Variants in GNAI3 observed in about 807,000 individuals in gnomAD.
GNAI3 encodes guanine nucleotide-binding protein G(i) subunit alpha-3.
A neutral mutation model predicts 41.8 loss-of-function variants in GNAI3; 12 were observed. The ratio of observed to expected loss-of-function variants is 0.29; its 90% CI spans 0.18 to 0.47. GNAI3 has a LOEUF of 0.47. Ranked by LOEUF, GNAI3 falls within the 20% of genes least tolerant of loss-of-function variation. The probability of loss-of-function intolerance (pLI) is 1.00; values close to 1 mark genes in which losing one functional copy is unlikely to be tolerated. For synonymous variants in GNAI3, 132 were observed against 146.5 expected (o/e 0.90, Z 0.71); for missense variants, 360 against 429.6 (o/e 0.84, Z 1.43).
intron 4 of GNAI3, among the ~76,000 whole-genome samples, chr1:109,581,517 C>A (rs1357594323): frequency 2.0e-5 from 3 of 152,044 alleles, no homozygotes; most frequent in Non-Finnish European, 4.4e-5. Context: ...AGGAATTTTT[C>A]TTTAATAAGA....
At position 109,598,171 on chromosome 1, in the gene GNAI3, C is replaced by T. The variant is rs571597823; in HGVS notation, c.*5849C>T. On this transcript the variant is annotated 3_prime_UTR_variant, in exon 9 of 9. Coordinates refer to ENST00000369851, the MANE Select transcript of GNAI3 (RefSeq NM_006496.4). ...CAAAATTCTCCTTAGGTTATCCAGA[C>T]ATTTTTACTAAGATGCTTATTTATA... The T allele has an allele frequency of 1.3e-5, 2 of 152,316 alleles. No individual in the cohort carries two copies. The highest frequency in any genetic ancestry group is 4.1e-4 in the South Asian group (2 of 4,828). The allele number at this position is 152,316 out of a possible 1,614,324, so 9.4% of individuals were successfully genotyped here.
intron 1 of GNAI3, among the ~76,000 whole-genome samples, chr1:109,568,997 G>T (rs1648526190): frequency 6.6e-6 from 1 of 152,094 alleles, no homozygotes; most frequent in Non-Finnish European, 1.5e-5. Context: ...CCTGTCCCCA[G>T]ATAGTTTTCT....
intron 1 of GNAI3, among the ~76,000 whole-genome samples, chr1:109,571,056 A>T (rs1309814955): frequency 6.6e-6 from 1 of 152,208 alleles, no homozygotes; most frequent in Non-Finnish European, 1.5e-5. Context: ...AATATTTAAT[A>T]TACAGATTGG....
chr1:109,598,850 C>T lies in GNAI3; in HGVS notation c.*6528C>T, dbSNP rs749106940. The T allele has an allele frequency of 4.7e-5, 25 of 532,876 alleles. No homozygotes were observed. Among genetic ancestry groups the T allele is most frequent in the Admixed American group, 4.5e-4 (23 of 51,546 alleles). The allele number at this position is 532,876 out of a possible 1,614,324, so 33.0% of individuals were successfully genotyped here. A position where few individuals can be genotyped will look rare whatever the true frequency, so the allele number is the denominator to read the frequency against. ...CCAGAGGCTCTGTCACACTTGCAGTCCCTGGCCCAACACCGAAATCCTTCT... is the reference window on the plus strand; with the variant it reads ...CCAGAGGCTCTGTCACACTTGCAGTTCCTGGCCCAACACCGAAATCCTTCT... On this transcript the variant is annotated 3_prime_UTR_variant, in exon 9 of 9. Transcript: ENST00000369851.
intron 1 of GNAI3, among the ~76,000 whole-genome samples, chr1:109,557,313 C>A (rs576324779): frequency 6.6e-6 from 1 of 152,120 alleles, no homozygotes; most frequent in South Asian, 2.1e-4. Flanking sequence ...ACTTTTTATG[C>A]CACTTATAGT....
rs1293155328 is a variant in GNAI3, at chr1:109,599,371, C to T, written c.*7049C>T. On this transcript the variant is annotated 3_prime_UTR_variant, in exon 9 of 9. Transcript: ENST00000369851. ...GTTTTCATCTTCCTGAACTGAAACT[C>T]TGTACCTGTTAAACAGTAACTCCCC... 3 of 153,874 alleles carry T rather than the reference C, an allele frequency of 1.9e-5. No individual in the cohort carries two copies. Among genetic ancestry groups the T allele is most frequent in the Admixed American group, 1.9e-4 (3 of 15,478 alleles). The allele number at this position is 153,874 out of a possible 1,614,324, so 9.5% of individuals were successfully genotyped here.
At position 109,571,032 on chromosome 1, in the gene GNAI3, A is replaced by T. The variant is rs117447803; in HGVS notation, c.119-2705A>T. 2.5e-4 allele frequency among the ~76,000 whole-genome samples: 38 copies of T among 152,338 alleles called. No homozygotes were observed. The East Asian group carries it at 7.3e-3, about 29-fold the overall frequency. ...CTATTTATATTGCTTTATTTAAAAA[A>T]ATTAAGCTTTACTAATATTTAATAT... On this transcript the variant is annotated intron_variant, in intron 1 of 8. Coordinates refer to ENST00000369851, the MANE Select transcript of GNAI3 (RefSeq NM_006496.4).
intron 1 of GNAI3, among the ~76,000 whole-genome samples, chr1:109,569,210 C>G (rs917363046): frequency 1.3e-5 from 2 of 152,146 alleles, no homozygotes; most frequent in Non-Finnish European, 2.9e-5. Context: ...TTTCTGGGAC[C>G]TTTCCAACTT....
At chr1:109,591,633 G>T in intron 7 of GNAI3, 1 of 440,968 alleles carries the variant, frequency 2.3e-6, no homozygotes, top group South Asian at 3.1e-5. Context: ...TGCTACCAAA[G>T]CAAGCACTAC....
At chr1:109,571,034 T>C (rs558690187) in intron 1 of GNAI3, among the ~76,000 whole-genome samples, 1 of 152,298 alleles carries the variant, frequency 6.6e-6, no homozygotes, top group African/African-American at 2.4e-5. Flanking sequence ...TTTAAAAAAA[T>C]TAAGCTTTAC....
chr1:109,589,906 T>C (rs1184087303), intron 7 of GNAI3, among the ~76,000 whole-genome samples: 2 of 152,234 alleles, frequency 1.3e-5, no homozygotes, highest in East Asian at 1.9e-4. Flanking sequence ...TTGCATAACA[T>C]TGTGAATACA....
intron 1 of GNAI3, among the ~76,000 whole-genome samples, chr1:109,554,658 T>C (rs993315653): frequency 6.6e-6 from 1 of 152,182 alleles, no homozygotes; most frequent in Admixed American, 6.5e-5. Context: ...CCACTCTGGG[T>C]TGTCTGTACT....
Position 109,548,627 on chromosome 1 carries a change from C to T in GNAI3, c.-94C>T, listed in dbSNP as rs866476639. On this transcript the variant is annotated 5_prime_UTR_variant, in exon 1 of 9. Coordinates refer to ENST00000369851, the MANE Select transcript of GNAI3 (RefSeq NM_006496.4). ...CGCTAAGGGAGCTGACGGAGAGGGC[C>T]ACCGCCCAGCAATAGACGGTGCCTC... 10 of 811,990 alleles carry T rather than the reference C, an allele frequency of 1.2e-5. No homozygotes were observed. The African/African-American group carries it at 1.7e-4, about 14-fold the overall frequency. 50.3% of individuals were successfully genotyped at this position (811,990 alleles called of 1,614,324 possible). A position where few individuals can be genotyped will look rare whatever the true frequency, so the allele number is the denominator to read the frequency against.
chr1:109,594,202 A>G lies in GNAI3; in HGVS notation c.*1880A>G, dbSNP rs1649239076. ...TTGGTAGTTGTTACTCATTTTGAAT[A>G]TACCTTTTCCTTATTGTATTCTGTA... On this transcript the variant is annotated 3_prime_UTR_variant, in exon 9 of 9. Transcript: ENST00000369851. 1 of 152,326 alleles carries G rather than the reference A, an allele frequency of 6.6e-6. No homozygotes were observed. Among genetic ancestry groups the G allele is most frequent in the Admixed American group, 6.5e-5 (1 of 15,284 alleles). 9.4% of individuals were successfully genotyped at this position (152,326 alleles called of 1,614,324 possible). A position where few individuals can be genotyped will look rare whatever the true frequency, so the allele number is the denominator to read the frequency against.
Position 109,586,720 on chromosome 1 carries a change from C to CT in GNAI3, c.721-4dup. ...GCTACTGACCTATCATCCTTTATTT[C>CT]TTTTTCAGAACCGAATGCATGAAAG... is the stretch of plus-strand genomic sequence containing the variant. On this transcript the variant is annotated splice_polypyrimidine_tract_variant and intron_variant, in intron 6 of 8. Transcript: ENST00000369851. 1 of 1,583,168 alleles carries CT rather than the reference C, an allele frequency of 6.3e-7. No individual in the cohort carries two copies.
chr1:109,569,269 A>C (rs1036136834), intron 1 of GNAI3, among the ~76,000 whole-genome samples: 1 of 152,176 alleles, frequency 6.6e-6, no homozygotes, highest in Non-Finnish European at 1.5e-5. Flanking sequence ...TCCCTTCTGC[A>C]TACAGAGTCC....
Position 109,548,649 on chromosome 1 carries a change from C to A in GNAI3, c.-72C>A. The A allele has an allele frequency of 1.9e-6, 2 of 1,041,892 alleles. No homozygotes were observed. The highest frequency in any genetic ancestry group is 3.0e-6 in the Non-Finnish European group (2 of 674,076). The allele number at this position is 1,041,892 out of a possible 1,614,324, so 64.5% of individuals were successfully genotyped here. A position where few individuals can be genotyped will look rare whatever the true frequency, so the allele number is the denominator to read the frequency against. On this transcript the variant is annotated 5_prime_UTR_variant, in exon 1 of 9. Coordinates refer to ENST00000369851, the MANE Select transcript of GNAI3 (RefSeq NM_006496.4). ...GGCCACCGCCCAGCAATAGACGGTG[C>A]CTCAGCCTGCCGAGCCGCAGTTTCC... is the stretch of plus-strand genomic sequence containing the variant.
At chr1:109,585,150 C>T (rs1376207897) in intron 5 of GNAI3, among the ~76,000 whole-genome samples, 1 of 152,198 alleles carries the variant, frequency 6.6e-6, no homozygotes, top group East Asian at 1.9e-4. Context: ...ACCAGTTTGG[C>T]AGAGTTTAGC....
intron 1 of GNAI3, among the ~76,000 whole-genome samples, chr1:109,562,233 AAAG>A (rs10568671): frequency 0.063 from 9,666 of 152,240 alleles, 997 homozygotes; most frequent in African/African-American, 0.22. Flanking sequence ...TAATACAAAA[AAAG>A]TATAACTATT....
Sources: gnomAD v4.1 joint callset for allele counts (sites outside exome capture counted in the v4.1 genomes callset) on GRCh38, gnomAD v4.1.1 for gene constraint, MANE v1.5 for transcripts, NCBI Gene and HGNC (gene_info 2026-07-23, HGNC 2026-07-21) for gene names.